Variants in DSCAM observed in about 807,000 individuals in gnomAD.
DSCAM encodes the protein cell adhesion molecule DSCAM.
DSCAM carries 47 observed loss-of-function variants against 217.7 expected under a neutral mutation model. The observed-to-expected ratio is 0.22, with a 90% CI of 0.17 to 0.28. DSCAM has a LOEUF of 0.28. Ranked by LOEUF, DSCAM falls within the 10% of genes least tolerant of loss-of-function variation. DSCAM has a pLI of 1.00. For missense variants in DSCAM, 2,080 were observed against 2,618.3 expected (o/e 0.79, Z 4.49); for synonymous variants, 1,056 against 1,015.3 (o/e 1.04, Z -0.76).
intron 3 of DSCAM, among the ~76,000 whole-genome samples, chr21:40,629,278 C>A (rs958944791): frequency 1.3e-5 from 2 of 152,062 alleles, no homozygotes; most frequent in Non-Finnish European, 2.9e-5. Context: ...TTCTTCGAAC[C>A]CTTTAATTCT....
intron 9 of DSCAM, among the ~76,000 whole-genome samples, chr21:40,305,762 C>T (rs1230843621): frequency 1.3e-5 from 2 of 152,050 alleles, no homozygotes; most frequent in Non-Finnish European, 2.9e-5. Context: ...AGATATGTGG[C>T]GTTATTTCTG....
intron 3 of DSCAM, among the ~76,000 whole-genome samples, chr21:40,692,172 G>A (rs1358130509): frequency 6.6e-6 from 1 of 152,168 alleles, no homozygotes; most frequent in African/African-American, 2.4e-5. Context: ...TGCATCACGC[G>A]GACAGTCGCC....
intron 27 of DSCAM, among the ~76,000 whole-genome samples, chr21:40,071,554 T>G (rs1374643019): frequency 1.3e-5 from 2 of 152,258 alleles, no homozygotes; most frequent in East Asian, 3.8e-4. Context: ...CATATAAAAT[T>G]GATCCCACCT....
intron 3 of DSCAM, among the ~76,000 whole-genome samples, chr21:40,601,726 G>A (rs767179564): frequency 2.0e-5 from 3 of 152,122 alleles, no homozygotes; most frequent in African/African-American, 7.2e-5. Context: ...ATAAATAAGT[G>A]CCGGTTTTAC....
At chr21:40,314,557 C>A (rs2074175495) in intron 8 of DSCAM, among the ~76,000 whole-genome samples, 1 of 152,170 alleles carries the variant, frequency 6.6e-6, no homozygotes, top group African/African-American at 2.4e-5. Flanking sequence ...GCTTGTATTT[C>A]TTTAAATCTC....
chr21:40,729,446 A>T (rs1054986548), intron 1 of DSCAM, among the ~76,000 whole-genome samples: 3 of 152,228 alleles, frequency 2.0e-5, no homozygotes, highest in Non-Finnish European at 4.4e-5. Flanking sequence ...GCTGCAGATT[A>T]TTTAAAATTC....
At chr21:40,241,072 G>T (rs1377811941) in intron 11 of DSCAM, among the ~76,000 whole-genome samples, 1 of 152,084 alleles carries the variant, frequency 6.6e-6, no homozygotes, top group Non-Finnish European at 1.5e-5. Context: ...CTGGACCTAG[G>T]AACAGGCAAA....
intron 3 of DSCAM, among the ~76,000 whole-genome samples, chr21:40,649,147 A>G (rs2089984853): frequency 6.6e-6 from 1 of 152,234 alleles, no homozygotes; most frequent in Non-Finnish European, 1.5e-5. Context: ...ACATCTGGTT[A>G]CAAAAGAAGG....
chr21:40,546,099 C>T (rs546708098), intron 3 of DSCAM, among the ~76,000 whole-genome samples: 2 of 152,360 alleles, frequency 1.3e-5, no homozygotes, highest in South Asian at 4.1e-4. Context: ...TGACAAGACC[C>T]CTGCATGAAA....
chr21:40,798,161 A>G (rs1256547251), intron 1 of DSCAM, among the ~76,000 whole-genome samples: 1 of 152,144 alleles, frequency 6.6e-6, no homozygotes, highest in Non-Finnish European at 1.5e-5. Flanking sequence ...TTCTTAATAC[A>G]GAATAAGCTA....
At chr21:40,593,066 G>T (rs1325187407) in intron 3 of DSCAM, among the ~76,000 whole-genome samples, 3 of 152,194 alleles carry the variant, frequency 2.0e-5, no homozygotes. Flanking sequence ...AGTATTTTCT[G>T]CCCTAAACTG....
chr21:40,497,426 C>A (rs1601691573), intron 3 of DSCAM, among the ~76,000 whole-genome samples: 1 of 132,578 alleles, frequency 7.5e-6, no homozygotes, highest in Admixed American at 8.0e-5. Context: ...GAATTAAATT[C>A]ATAGAAGTAG....
At chr21:40,367,885 T>C (rs2074850943) in intron 4 of DSCAM, among the ~76,000 whole-genome samples, 2 of 152,214 alleles carry the variant, frequency 1.3e-5, no homozygotes. Flanking sequence ...GGTGACAAAA[T>C]GCTTGTGACT....
intron 3 of DSCAM, among the ~76,000 whole-genome samples, chr21:40,546,194 G>A (rs2076581011): frequency 1.3e-5 from 2 of 152,198 alleles, no homozygotes; most frequent in Admixed American, 1.3e-4. Context: ...TTGGGAAAAT[G>A]ATTCACAAGG....
chr21:40,486,289 T>A (rs1327611893), intron 3 of DSCAM, among the ~76,000 whole-genome samples: 1 of 152,208 alleles, frequency 6.6e-6, no homozygotes, highest in Non-Finnish European at 1.5e-5. Flanking sequence ...TCTATGACTT[T>A]CAACTCACAG....
At chr21:40,020,484 C>G (rs751502962) in intron 32 of DSCAM, among the ~76,000 whole-genome samples, 3 of 151,558 alleles carry the variant, frequency 2.0e-5, no homozygotes, top group Admixed American at 6.6e-5. Flanking sequence ...AATAAGACAG[C>G]AAGCAGGGCA....
intron 32 of DSCAM, among the ~76,000 whole-genome samples, chr21:40,017,645 C>T (rs1486374845): frequency 2.0e-5 from 3 of 151,904 alleles, no homozygotes; most frequent in Non-Finnish European, 2.9e-5. Flanking sequence ...CTCCACCTCC[C>T]GGTTCAAGCG....
rs937614549 is a variant in DSCAM, at chr21:40,399,087, A to C, written c.509-29842T>G. ...CAAGTTTGAGACCAGCCTGAGCAAC[A>C]TAGCCAGACCTTGACTCTACAAAAA... On this transcript the variant is annotated intron_variant, in intron 3 of 32. Coordinates refer to ENST00000400454, the MANE Select transcript of DSCAM (RefSeq NM_001389.5). 5.9e-5 allele frequency among the ~76,000 whole-genome samples: 9 copies of C among 152,184 alleles called. 1 individual carries two copies. The South Asian group carries it at 6.2e-4, about 11-fold the overall frequency.
intron 11 of DSCAM, among the ~76,000 whole-genome samples, chr21:40,256,400 C>G (rs984839949): frequency 4.4e-4 from 65 of 147,212 alleles, no homozygotes; most frequent in Non-Finnish European, 5.7e-4. Context: ...GAGAGAGAGA[C>G]AGACAGAGAG....
Sources: allele counts gnomAD v4.1 joint callset (sites outside exome capture counted in the v4.1 genomes callset), GRCh38; gene constraint gnomAD v4.1.1; transcripts MANE v1.5; gene names NCBI Gene and HGNC (gene_info 2026-07-23, HGNC 2026-07-21).